Variants in MECOM observed in about 807,000 individuals in gnomAD.
The protein encoded by MECOM is histone-lysine N-methyltransferase MECOM.
A neutral mutation model predicts 116.3 loss-of-function variants in MECOM; 13 were observed. The ratio of observed to expected loss-of-function variants is 0.11; its 90% CI spans 0.07 to 0.18. The LOEUF (loss-of-function observed/expected upper bound fraction) is 0.18. Ranked by LOEUF, MECOM falls within the 10% of genes least tolerant of loss-of-function variation. The probability of loss-of-function intolerance (pLI) is 1.00; values close to 1 mark genes in which losing one functional copy is unlikely to be tolerated. For missense variants in MECOM, 1,299 were observed against 1,509.0 expected, an observed-to-expected ratio of 0.86 and a Z score of 2.31; for synonymous variants, 528 against 535.2, an observed-to-expected ratio of 0.99 and a Z score of 0.19.
intron 1 of MECOM, among the ~76,000 whole-genome samples, chr3:169,613,060 T>C (rs1221969923): frequency 1.3e-5 from 2 of 152,246 alleles, no homozygotes; most frequent in Non-Finnish European, 2.9e-5. Context: ...AAAGTTAAAT[T>C]GTTTACATAT....
At chr3:169,584,449 C>T (rs917747977) in intron 1 of MECOM, among the ~76,000 whole-genome samples, 2 of 151,422 alleles carry the variant, frequency 1.3e-5, no homozygotes, top group Non-Finnish European at 2.9e-5. Flanking sequence ...CCTGTAGTCC[C>T]AGCTACTCAG....
chr3:169,137,753 C>G (rs1315710809), intron 3 of MECOM, among the ~76,000 whole-genome samples: 1 of 152,016 alleles, frequency 6.6e-6, no homozygotes, highest in Non-Finnish European at 1.5e-5. Flanking sequence ...AAGAGAAAAC[C>G]AAGTATAACT....
chr3:169,529,307 G>A (rs1486277620), intron 1 of MECOM, among the ~76,000 whole-genome samples: 1 of 152,160 alleles, frequency 6.6e-6, no homozygotes. Flanking sequence ...GAAAGGTTTT[G>A]AGTCATGAAA....
chr3:169,375,426 C>T (rs1341580148), intron 2 of MECOM, among the ~76,000 whole-genome samples: 1 of 151,538 alleles, frequency 6.6e-6, no homozygotes, highest in Non-Finnish European at 1.5e-5. Context: ...AATAGATAGA[C>T]CACTAGCCAG....
chr3:169,220,849 A>C, intron 2 of MECOM, among the ~76,000 whole-genome samples: 1 of 152,162 alleles, frequency 6.6e-6, no homozygotes, highest in East Asian at 1.9e-4. Context: ...AAGGGCAGGA[A>C]TTTTTGTCTG....
At chr3:169,194,787 T>C (rs921839893) in intron 2 of MECOM, among the ~76,000 whole-genome samples, 6 of 152,058 alleles carry the variant, frequency 3.9e-5, no homozygotes, top group African/African-American at 1.4e-4. Context: ...AAATAGAGCA[T>C]CCGCCAAAGT....
intron 1 of MECOM, among the ~76,000 whole-genome samples, chr3:169,472,660 A>G (rs998182132): frequency 0.024 from 2,537 of 105,390 alleles, 132 homozygotes; most frequent in African/African-American, 0.043. Flanking sequence ...AAAGAAAAGA[A>G]AGGAAAGGAA....
At chr3:169,500,657 G>T (rs1271748149) in intron 1 of MECOM, among the ~76,000 whole-genome samples, 1 of 151,696 alleles carries the variant, frequency 6.6e-6, no homozygotes, top group Non-Finnish European at 1.5e-5. Flanking sequence ...TTTTCCACAT[G>T]AACCCATCTT....
At chr3:169,167,166 C>CG (rs1743727134) in intron 2 of MECOM, among the ~76,000 whole-genome samples, 1 of 152,122 alleles carries the variant, frequency 6.6e-6, no homozygotes, top group East Asian at 1.9e-4. Flanking sequence ...TTTGTAGAGA[C>CG]GGGGTCTCAC....
At chr3:169,132,662 T>C (rs926650751) in intron 3 of MECOM, among the ~76,000 whole-genome samples, 4 of 152,120 alleles carry the variant, frequency 2.6e-5, no homozygotes, top group Non-Finnish European at 4.4e-5. Flanking sequence ...CTTTGCCTCA[T>C]ATATTCTTCT....
At chr3:169,256,117 A>G (rs1486783547) in intron 2 of MECOM, among the ~76,000 whole-genome samples, 1 of 152,172 alleles carries the variant, frequency 6.6e-6, no homozygotes, top group Non-Finnish European at 1.5e-5. Flanking sequence ...TCTAGTTTCA[A>G]ATCAAACCAA....
At chr3:169,630,362 G>T (rs1480208635) in intron 1 of MECOM, among the ~76,000 whole-genome samples, 1 of 151,592 alleles carries the variant, frequency 6.6e-6, no homozygotes, top group Non-Finnish European at 1.5e-5. Context: ...CCATGAGAAG[G>T]ATGGAGTTTG....
chr3:169,487,269 A>G (rs1393272363), intron 1 of MECOM, among the ~76,000 whole-genome samples: 1 of 152,132 alleles, frequency 6.6e-6, no homozygotes, highest in African/African-American at 2.4e-5. Context: ...ATTGGTAAAT[A>G]ATGTGTATAA....
chr3:169,489,145 T>C (rs917757093), intron 1 of MECOM, among the ~76,000 whole-genome samples: 4 of 152,002 alleles, frequency 2.6e-5, no homozygotes, highest in African/African-American at 9.7e-5. Flanking sequence ...AAGAATAACT[T>C]CCTAGAAAAA....
intron 2 of MECOM, among the ~76,000 whole-genome samples, chr3:169,324,214 C>T (rs199791654): frequency 6.6e-5 from 10 of 152,160 alleles, no homozygotes; most frequent in East Asian, 5.8e-4. Context: ...TTCATCCTCA[C>T]GATAACCCTG....
At chr3:169,203,821 G>C (rs77409263) in intron 2 of MECOM, among the ~76,000 whole-genome samples, 30,138 of 152,020 alleles carry the variant, frequency 0.2, 3,037 homozygotes, top group East Asian at 0.32. Context: ...TTGTCAAATG[G>C]AAAGACTGAA....
At chr3:169,283,441 T>A (rs1053547907) in intron 2 of MECOM, among the ~76,000 whole-genome samples, 6 of 151,924 alleles carry the variant, frequency 3.9e-5, no homozygotes, top group African/African-American at 1.5e-4. Flanking sequence ...ATTATTTGTA[T>A]AATAAGAAAA....
chr3:169,447,255 T>G (rs1418655619), intron 1 of MECOM, among the ~76,000 whole-genome samples: 1 of 152,176 alleles, frequency 6.6e-6, no homozygotes, highest in Non-Finnish European at 1.5e-5. Context: ...AGAGTTCTCC[T>G]GCTCCACCTC....
chr3:169,450,154 A>G (rs1177302098), intron 1 of MECOM, among the ~76,000 whole-genome samples: 1 of 152,176 alleles, frequency 6.6e-6, no homozygotes, highest in African/African-American at 2.4e-5. Context: ...TCTCAATTTT[A>G]TAGTTATTAG....
Sources: gnomAD v4.1 joint callset for allele counts (sites outside exome capture counted in the v4.1 genomes callset) on GRCh38, gnomAD v4.1.1 for gene constraint, MANE v1.5 for transcripts, NCBI Gene and HGNC (gene_info 2026-07-23, HGNC 2026-07-21) for gene names.